ZNF185: variants seen among roughly 807,000 people sequenced by gnomAD.
The protein encoded by ZNF185 is zinc finger protein 185 with LIM domain.
ZNF185 carries 56 observed loss-of-function variants against 58.6 expected under a neutral mutation model. That is an observed-to-expected ratio of 0.95 (90% CI 0.77 to 1.19). ZNF185 has a LOEUF of 1.19. Ranked by LOEUF, ZNF185 falls within the 50% of genes most tolerant of loss-of-function variation. ZNF185 has a pLI of 0.00. For missense variants in ZNF185, 627 were observed against 573.5 expected, an observed-to-expected ratio of 1.09 and a Z score of -0.95; for synonymous variants, 230 against 215.9, an observed-to-expected ratio of 1.07 and a Z score of -0.57.
intron 11 of ZNF185, among the ~76,000 whole-genome samples, chrX:152,925,939 C>G (rs1940784323): frequency 1.8e-5 from 2 of 112,313 alleles, no homozygotes; most frequent in Admixed American, 1.9e-4. Context: ...CTCTTGCCCC[C>G]CTTGCAACCT....
intron 15 of ZNF185, among the ~76,000 whole-genome samples, chrX:152,941,482 T>C (rs2047171509): frequency 8.9e-6 from 1 of 112,851 alleles, no homozygotes; most frequent in Admixed American, 9.3e-5. Flanking sequence ...GAAAAAGGGA[T>C]GGCACAGAAC....
At chrX:152,965,382 G>T in intron 18 of ZNF185, 65 bp from the exon 21 acceptor site, 1 of 1,051,908 alleles carries the variant, frequency 9.5e-7, no homozygotes, top group Non-Finnish European at 1.3e-6. Context: ...CCACTCCTGT[G>T]GGCCAGGCCT....
Position 152,917,764 on chromosome X carries a change from A to G in ZNF185, c.342-301A>G, listed in dbSNP as rs184354503. 3,243 of 986,686 alleles carry G rather than the reference A, an allele frequency of 3.3e-3. 6 individuals carry two copies. Among genetic ancestry groups the G allele is most frequent in the South Asian group, 0.015 (548 of 36,287 alleles). The allele number at this position is 986,686 out of a possible 1,213,427, so 81.3% of individuals were successfully genotyped here. On this transcript the variant is annotated intron_variant, in intron 5 of 22. Transcript: ENST00000449285. ...GAAGGCTGAAGTTGCATGCAATTCA[A>G]GCACCTTGGCATCAGGCATTGCCTG...
chrX:152,923,534 C>A (rs782697673), intron 11 of ZNF185, among the ~76,000 whole-genome samples: 1 of 112,410 alleles, frequency 8.9e-6, no homozygotes, highest in African/African-American at 3.2e-5. Context: ...TTTGAGAATT[C>A]TTTACAAGGC....
At chrX:152,959,031 A>T (rs1488564306) in intron 16 of ZNF185, among the ~76,000 whole-genome samples, 1 of 112,666 alleles carries the variant, frequency 8.9e-6, no homozygotes, top group Non-Finnish European at 1.9e-5. Context: ...TCGACCGTGG[A>T]GAGGCTTTTT....
chrX:152,940,856 T>C (rs903490517), intron 15 of ZNF185, among the ~76,000 whole-genome samples: 10 of 112,505 alleles, frequency 8.9e-5, no homozygotes, highest in African/African-American at 2.9e-4. Flanking sequence ...GAATTTGGCA[T>C]ATTATTGCTT....
the ZNF185 span, among the ~76,000 whole-genome samples, chrX:152,909,323 A>G: frequency 0.018 from 2,038 of 111,992 alleles, 25 homozygotes; most frequent in Non-Finnish European, 0.03. Flanking sequence ...GCATGTCCAC[A>G]CCTGAGCCAT....
intron 21 of ZNF185, 36 bp downstream of exon 23, chrX:152,969,520 G>A (rs2050457698): frequency 9.2e-7 from 1 of 1,086,589 alleles, no homozygotes. Flanking sequence ...GAGCTAGGCG[G>A]TAACTCCTGA....
chrX:152,928,489 T>C, intron 11 of ZNF185, 86 bp from the exon 13 acceptor site: 1 of 970,561 alleles, frequency 1.0e-6, no homozygotes, highest in Non-Finnish European at 1.5e-6. Flanking sequence ...GGGCAGTGGG[T>C]CTGGGCGGCC....
chrX:152,922,789 C>T (rs1940024904), exon 11 of ZNF185: 5 of 1,196,927 alleles, frequency 4.2e-6, no homozygotes, highest in South Asian at 1.8e-5. Context: ...TGCCTAGCCC[C>T]GCTGGGAGCC....
rs182491134 is a variant in ZNF185 at position 152,949,450 on chromosome X, A to G, written c.1409+3986A>G. ...CTTTCCGGGCCCCCTGGGGTTCTCTATTTGCAGTCTTTGGGTCTGGTCACT... is the reference window on the plus strand; with the variant it reads ...CTTTCCGGGCCCCCTGGGGTTCTCTGTTTGCAGTCTTTGGGTCTGGTCACT... On this transcript the variant is annotated intron_variant, in intron 16 of 22. Coordinates refer to ENST00000449285, the Ensembl canonical transcript of ZNF185. Among the ~76,000 whole-genome samples the G allele has an allele frequency of 4.4e-3, 490 of 111,895 alleles. 5 individuals are homozygous for G. The highest frequency in any genetic ancestry group is 0.015 in the African/African-American group (451 of 30,821).
At chrX:152,956,813 C>G (rs1317334755) in intron 16 of ZNF185, among the ~76,000 whole-genome samples, 1 of 112,629 alleles carries the variant, frequency 8.9e-6, no homozygotes, top group Non-Finnish European at 1.9e-5. Flanking sequence ...CCAAATGTCA[C>G]TGTTGCATTA....
chrX:152,912,709 G>A (rs1384028352), upstream of ZNF185, among the ~76,000 whole-genome samples: 1 of 112,525 alleles, frequency 8.9e-6, no homozygotes, highest in South Asian at 3.7e-4. Flanking sequence ...AGACTAGGAG[G>A]TCCTCCTGCA....
chrX:152,933,492 C>T lies in ZNF185; in HGVS notation c.1121+521C>T, dbSNP rs528629189. Reference sequence around the variant, plus strand: ...AAAGCGGTAGCCCTGGAGAGACCAGCGTGTCCAGCTGGGCTCTGGCTTCTT... The same window carrying T: ...AAAGCGGTAGCCCTGGAGAGACCAGTGTGTCCAGCTGGGCTCTGGCTTCTT... On this transcript the variant is annotated intron_variant, in intron 14 of 22. Coordinates refer to ENST00000449285, the Ensembl canonical transcript of ZNF185. 7.1e-5 allele frequency among the ~76,000 whole-genome samples: 8 copies of T among 112,056 alleles called. No individual in the cohort carries two copies. The South Asian group carries it at 1.5e-3, about 21-fold the overall frequency.
At chrX:152,944,903 A>T (rs2125755630) in intron 15 of ZNF185, among the ~76,000 whole-genome samples, 1 of 112,528 alleles carries the variant, frequency 8.9e-6, no homozygotes, top group East Asian at 2.8e-4. Flanking sequence ...CTGAGACAGG[A>T]GGATGGCTTG....
At chrX:152,969,257 G>A (rs1200482514) in intron 20 of ZNF185, 125 bp from the exon 23 acceptor site, 2 of 522,802 alleles carry the variant, frequency 3.8e-6, no homozygotes, top group African/African-American at 4.6e-5. Context: ...ACAGAAAACA[G>A]TGGCATCCTG....
chrX:152,901,645 C>T, the ZNF185 span, among the ~76,000 whole-genome samples: 621 of 111,330 alleles, frequency 5.6e-3, 5 homozygotes, highest in Non-Finnish European at 9.0e-3. Flanking sequence ...AACTGAGGCA[C>T]AGAGAGGGAC....
At chrX:152,934,139 C>T (rs2046001381) in intron 14 of ZNF185, among the ~76,000 whole-genome samples, 1 of 112,814 alleles carries the variant, frequency 8.9e-6, no homozygotes, top group Non-Finnish European at 1.9e-5. Context: ...CACATTTCTC[C>T]CCTGCTAAAA....
At position 152,963,916 on chromosome X, in the gene ZNF185, C is replaced by T. The variant is rs782377507; in HGVS notation, c.1685C>T (p.Ala562Val). ...GAGCAGCCTCACATTTATATTCCAG[C>T]CCCCGCAAGTGAATTGGACTCCAGC... The change falls in exon 18 of 23, where the codon GCC becomes GTC. Residue 562 changes from alanine to valine, a missense_variant. Coordinates refer to ENST00000449285, the Ensembl canonical transcript of ZNF185. The T allele has an allele frequency of 4.0e-5, 48 of 1,209,910 alleles. No homozygotes were observed. The highest frequency in any genetic ancestry group is 5.3e-5 in the Non-Finnish European group (47 of 895,043).
Sources: allele counts gnomAD v4.1 joint callset (sites outside exome capture counted in the v4.1 genomes callset), GRCh38; gene constraint gnomAD v4.1.1; transcripts MANE v1.5; gene names NCBI Gene and HGNC (gene_info 2026-07-23, HGNC 2026-07-21).